Variants in STK3 observed in about 807,000 individuals in gnomAD.
STK3 encodes the protein serine/threonine kinase 3.
In STK3, 41 loss-of-function variants were observed where a neutral mutation model predicts 58.0. The ratio of observed to expected loss-of-function variants is 0.71; its 90% CI spans 0.55 to 0.92. The LOEUF (loss-of-function observed/expected upper bound fraction) is 0.92. Among genes scored for constraint, STK3 ranks in the 40% least tolerant of loss-of-function variants. STK3 has a pLI of 0.00. For synonymous variants in STK3, 170 were observed against 191.0 expected, an observed-to-expected ratio of 0.89 and a Z score of 0.91; for missense variants, 479 against 602.7, an observed-to-expected ratio of 0.79 and a Z score of 2.15.
intron 3 of STK3, 109 bp downstream of exon 3, chr8:98,767,134 A>C: frequency 3.8e-6 from 5 of 1,314,154 alleles, no homozygotes; most frequent in Non-Finnish European, 5.0e-6. Context: ...AAAAAAGAAA[A>C]GAAAAAGAAA....
intron 6 of STK3, among the ~76,000 whole-genome samples, chr8:98,678,413 A>C (rs544756667): frequency 6.6e-6 from 1 of 152,084 alleles, no homozygotes; most frequent in Non-Finnish European, 1.5e-5. Flanking sequence ...TTAATAAATA[A>C]TTTATGAGTA....
chr8:98,408,922 C>T (rs1026175432), intron 3 of STK3, among the ~76,000 whole-genome samples: 11 of 152,190 alleles, frequency 7.2e-5, no homozygotes, highest in Non-Finnish European at 4.4e-5. Context: ...GTGTCTCCTA[C>T]CATGTGACCC....
chr8:98,779,927 TAA>T (rs895469599), intron 1 of STK3, among the ~76,000 whole-genome samples: 3 of 149,296 alleles, frequency 2.0e-5, no homozygotes, highest in South Asian at 2.2e-4. Flanking sequence ...AACTTATATA[TAA>T]GTCAATGAAT....
intron 10 of STK3, among the ~76,000 whole-genome samples, chr8:98,490,677 T>C (rs534092807): frequency 6.6e-6 from 1 of 152,284 alleles, no homozygotes; most frequent in South Asian, 2.1e-4. Context: ...AACGGATGGT[T>C]CTCAAAACTG....
At chr8:98,425,789 G>A (rs887930362) in intron 3 of STK3, among the ~76,000 whole-genome samples, 1 of 152,214 alleles carries the variant, frequency 6.6e-6, no homozygotes, top group Non-Finnish European at 1.5e-5. Context: ...CCAGGATTGC[G>A]TAAAGAAAGA....
chr8:98,726,561 C>T (rs1361170086), intron 4 of STK3, among the ~76,000 whole-genome samples: 2 of 152,076 alleles, frequency 1.3e-5, no homozygotes, highest in African/African-American at 4.8e-5. Context: ...ATGGGACACC[C>T]GAAATAAGGA....
intron 8 of STK3, among the ~76,000 whole-genome samples, chr8:98,562,464 G>T (rs1232953168): frequency 6.6e-6 from 1 of 151,974 alleles, no homozygotes; most frequent in African/African-American, 2.4e-5. Flanking sequence ...TTCTGGAAAA[G>T]CCAAAACTAT....
In STK3 at chr8:98,707,098, A is replaced by G. The variant is rs773246796; in HGVS notation, c.516+49T>C. The stretch of plus-strand genomic sequence containing the variant: ...GTAATTGAAGTTTAGTTATAATCAA[A>G]TCTGAACAAATTAGCCAAGTGTTTA... On this transcript the variant is annotated intron_variant, in intron 5 of 10. Transcript: ENST00000419617. The G allele has an allele frequency of 3.9e-6, 6 of 1,543,214 alleles. No homozygotes were observed. The South Asian group carries it at 6.5e-5, about 17-fold the overall frequency.
chr8:98,665,398 T>C (rs1822262877), intron 6 of STK3, among the ~76,000 whole-genome samples: 1 of 152,152 alleles, frequency 6.6e-6, no homozygotes, highest in Admixed American at 6.5e-5. Flanking sequence ...AGGTTTCTTT[T>C]TGTTTGTTTG....
intron 1 of STK3, among the ~76,000 whole-genome samples, chr8:98,796,342 C>T (rs977445793): frequency 3.9e-5 from 6 of 152,132 alleles, no homozygotes; most frequent in African/African-American, 1.4e-4. Flanking sequence ...TAAAGCTGCA[C>T]ACCTACAGCC....
At chr8:98,367,052 G>C (rs1340756845), downstream of STK3, among the ~76,000 whole-genome samples, 1 of 152,248 alleles carries the variant, frequency 6.6e-6, no homozygotes, top group East Asian at 1.9e-4. Context: ...TGTCTCCAAA[G>C]TGTTGGTGGC....
intron 1 of STK3, among the ~76,000 whole-genome samples, chr8:98,805,507 A>G (rs1227939233): frequency 1.3e-5 from 2 of 152,100 alleles, no homozygotes; most frequent in Non-Finnish European, 2.9e-5. Context: ...CCCAGGAGGC[A>G]GAGTTGCAGT....
At chr8:98,439,428 CAAT>C (rs1422769891) in intron 1 of STK3, 1 of 152,208 alleles carries the variant, frequency 6.6e-6, no homozygotes, top group Non-Finnish European at 1.5e-5. Context: ...CTGCCACCAA[CAAT>C]GAGATTGGAA....
intron 9 of STK3, among the ~76,000 whole-genome samples, chr8:98,534,819 T>C (rs1262778737): frequency 2.0e-5 from 3 of 152,210 alleles, no homozygotes; most frequent in Admixed American, 1.3e-4. Context: ...TCTCCATTTC[T>C]GCCCCATTTT....
chr8:98,620,278 G>T (rs1440380620), intron 6 of STK3, among the ~76,000 whole-genome samples: 1 of 119,190 alleles, frequency 8.4e-6, no homozygotes, highest in Non-Finnish European at 1.7e-5. Context: ...AGATCACATG[G>T]TCACAGGAAG....
At chr8:98,722,877 G>T (rs1179964953) in intron 4 of STK3, 1 of 507,340 alleles carries the variant, frequency 2.0e-6, no homozygotes, top group South Asian at 1.5e-5. Flanking sequence ...ATAGAAGAAG[G>T]TAATGTAAGA....
chr8:98,903,502 C>T (rs1231923000), intron 1 of STK3, among the ~76,000 whole-genome samples: 1 of 30,796 alleles, frequency 3.2e-5, no homozygotes, highest in Non-Finnish European at 5.3e-5. Flanking sequence ...TCTTCTTCTT[C>T]TTCTTCTTCT....
intron 7 of STK3, chr8:98,595,419 AG>A (rs1158934179): frequency 6.6e-6 from 1 of 151,946 alleles, no homozygotes; most frequent in Non-Finnish European, 1.5e-5. Flanking sequence ...GAAATCATTT[AG>A]CAAATATCAA....
At chr8:98,557,615 G>A (rs1255588158) in intron 8 of STK3, among the ~76,000 whole-genome samples, 1 of 152,112 alleles carries the variant, frequency 6.6e-6, no homozygotes, top group East Asian at 1.9e-4. Context: ...CTGACGGGCT[G>A]AAAAAAGTAA....
Sources: allele counts gnomAD v4.1 joint callset (sites outside exome capture counted in the v4.1 genomes callset), GRCh38; gene constraint gnomAD v4.1.1; transcripts MANE v1.5; gene names NCBI Gene and HGNC (gene_info 2026-07-23, HGNC 2026-07-21).